The following TRABD2B variants were observed in gnomAD, a reference collection of about 807,000 sequenced individuals.
The protein encoded by TRABD2B is metalloprotease TIKI2.
In TRABD2B, 14 loss-of-function variants were observed where a neutral mutation model predicts 40.1. The observed-to-expected ratio is 0.35, with a 90% CI of 0.23 to 0.55. The LOEUF is 0.55. TRABD2B is among the 20% of genes least tolerant of loss of function. The pLI, the probability that TRABD2B is intolerant of heterozygous loss-of-function variation, is 0.90. For synonymous variants in TRABD2B, 263 were observed against 277.0 expected (o/e 0.95, Z 0.50); for missense variants, 541 against 648.6 (o/e 0.83, Z 1.80).
intron 3 of TRABD2B, among the ~76,000 whole-genome samples, chr1:47,800,676 G>A (rs1218054662): frequency 6.6e-6 from 1 of 152,194 alleles, no homozygotes; most frequent in Non-Finnish European, 1.5e-5. Flanking sequence ...CAATGACAGA[G>A]GAGGCACAAG....
intron 2 of TRABD2B, among the ~76,000 whole-genome samples, chr1:47,841,286 T>A (rs990599634): frequency 6.6e-6 from 1 of 152,170 alleles, no homozygotes; most frequent in Non-Finnish European, 1.5e-5. Context: ...TTGCCTTACC[T>A]GTCTTGTCTC....
intron 2 of TRABD2B, among the ~76,000 whole-genome samples, chr1:47,833,489 A>T (rs1645277202): frequency 1.3e-5 from 2 of 152,256 alleles, no homozygotes; most frequent in Non-Finnish European, 2.9e-5. Context: ...GGGAATGATC[A>T]TTGGCAGAAG....
At chr1:47,957,168 C>A (rs930351684) in intron 2 of TRABD2B, among the ~76,000 whole-genome samples, 1 of 152,188 alleles carries the variant, frequency 6.6e-6, no homozygotes, top group East Asian at 1.9e-4. Context: ...AGAAAACTCA[C>A]AAACAGAAAG....
chr1:47,867,928 C>G (rs951461413), intron 2 of TRABD2B, among the ~76,000 whole-genome samples: 1 of 152,044 alleles, frequency 6.6e-6, no homozygotes, highest in African/African-American at 2.4e-5. Context: ...TGGGAAGCTC[C>G]AATTTTGGAG....
chr1:47,961,390 C>A (rs1252679708), intron 2 of TRABD2B, among the ~76,000 whole-genome samples: 1 of 152,196 alleles, frequency 6.6e-6, no homozygotes, highest in Non-Finnish European at 1.5e-5. Flanking sequence ...AGAGCTTCTG[C>A]ACAGCAAAAG....
chr1:47,994,049 C>A lies in TRABD2B; in HGVS notation c.651G>T (p.Gly217=), dbSNP rs563378045. 1 of 1,534,906 alleles carries A rather than the reference C, an allele frequency of 6.5e-7. No individual in the cohort carries two copies. The highest frequency in any genetic ancestry group is 1.2e-5 in the South Asian group (1 of 83,998). The part of the protein sequence containing the change: ...VEEQCHPLNN[G]LNFSQVLFAL... ...GCATGCCTACCTGGGAGAAGTTGAG[C>A]CCGTTGTTGAGGGGATGGCACTGCT... Residue 217 remains glycine (G), a synonymous_variant, in exon 2 of 7, where the codon GGG becomes GGT. Transcript: ENST00000606738. This position sits in a 1 kb window ranked among gnomAD's most constrained non-coding sequence, Gnocchi z 6.7.
At chr1:47,795,425 G>A (rs77448259) in intron 3 of TRABD2B, among the ~76,000 whole-genome samples, 3,990 of 152,236 alleles carry the variant, frequency 0.026, 183 homozygotes, top group African/African-American at 0.091. Flanking sequence ...CTTCACCGCC[G>A]AGCCTGGTGC....
At chr1:47,946,461 T>C (rs1036762803) in intron 2 of TRABD2B, among the ~76,000 whole-genome samples, 17 of 152,204 alleles carry the variant, frequency 1.1e-4, no homozygotes, top group Non-Finnish European at 2.2e-4. Flanking sequence ...TTGAATTTTG[T>C]CAAAGGCCTT....
chr1:47,796,962 T>C (rs1431120542), intron 3 of TRABD2B, among the ~76,000 whole-genome samples: 1 of 152,200 alleles, frequency 6.6e-6, no homozygotes, highest in East Asian at 1.9e-4. Flanking sequence ...TCTTTAGGTA[T>C]GGAAAATAAT....
At chr1:47,781,310 G>T (rs1644518669) in intron 4 of TRABD2B, among the ~76,000 whole-genome samples, 1 of 152,188 alleles carries the variant, frequency 6.6e-6, no homozygotes, top group African/African-American at 2.4e-5. Flanking sequence ...TTCAAGAGCT[G>T]CCAGGAAAAA....
At chr1:47,974,703 T>C (rs139275289) in intron 2 of TRABD2B, among the ~76,000 whole-genome samples, 84 of 152,286 alleles carry the variant, frequency 5.5e-4, no homozygotes, top group African/African-American at 2.0e-3. Flanking sequence ...TCCCCACTTT[T>C]TAGGAATGGG....
intron 2 of TRABD2B, among the ~76,000 whole-genome samples, chr1:47,804,407 C>T (rs117417240): frequency 0.015 from 2,336 of 152,310 alleles, 89 homozygotes; most frequent in Admixed American, 0.09. Context: ...AGTTGATCCG[C>T]TCTCCTTCCC....
At chr1:47,937,412 T>A (rs78436931) in intron 2 of TRABD2B, among the ~76,000 whole-genome samples, 1 of 145,854 alleles carries the variant, frequency 6.9e-6, no homozygotes, top group Non-Finnish European at 1.5e-5. Context: ...TCATCACTAC[T>A]ACCATCATGA....
At chr1:47,874,570 C>CT (rs1442672111) in intron 2 of TRABD2B, among the ~76,000 whole-genome samples, 1 of 89,276 alleles carries the variant, frequency 1.1e-5, no homozygotes, top group African/African-American at 4.2e-5. Context: ...CCGCGCCCGG[C>CT]CTTTTTTTTT....
intron 2 of TRABD2B, among the ~76,000 whole-genome samples, chr1:47,861,105 GA>G (rs1478545323): frequency 6.6e-6 from 1 of 152,178 alleles, no homozygotes; most frequent in African/African-American, 2.4e-5. Context: ...CTGGTTCCCA[GA>G]AGAACCAGGA....
chr1:47,890,472 G>A (rs1329812478), intron 2 of TRABD2B, among the ~76,000 whole-genome samples: 1 of 152,186 alleles, frequency 6.6e-6, no homozygotes, highest in Admixed American at 6.5e-5. Context: ...CAGGCCCATG[G>A]AGCCTGCTGC....
chr1:47,771,653 T>G (rs970585368), intron 6 of TRABD2B, among the ~76,000 whole-genome samples: 1 of 152,162 alleles, frequency 6.6e-6, no homozygotes, highest in African/African-American at 2.4e-5. Context: ...TCTACCCTGT[T>G]TTAGAGCACC....
intron 2 of TRABD2B, among the ~76,000 whole-genome samples, chr1:47,909,560 AGG>A (rs1644727725): frequency 4.7e-4 from 1 of 2,106 alleles, no homozygotes; most frequent in African/African-American, 5.1e-4. Context: ...AGAAGGAAGA[AGG>A]AGGAGGAGGA....
chr1:47,817,402 C>A (rs56673661), intron 2 of TRABD2B, among the ~76,000 whole-genome samples: 20,171 of 151,892 alleles, frequency 0.13, 2,629 homozygotes, highest in East Asian at 0.36. Context: ...TGAAACGGTG[C>A]GTCCAGGGGT....
Sources: allele counts gnomAD v4.1 joint callset (sites outside exome capture counted in the v4.1 genomes callset), GRCh38; gene constraint gnomAD v4.1.1; non-coding constraint Gnocchi (gnomAD v3.1); transcripts MANE v1.5; gene names NCBI Gene and HGNC (gene_info 2026-07-23, HGNC 2026-07-21).